Variants in ITGA2 observed in about 807,000 individuals in gnomAD.
The protein encoded by ITGA2 is integrin subunit alpha 2.
ITGA2 carries 101 observed loss-of-function variants against 146.3 expected under a neutral mutation model. The observed-to-expected ratio is 0.69, with a 90% CI of 0.59 to 0.81. ITGA2 has a LOEUF of 0.81. Among genes scored for constraint, ITGA2 ranks in the 40% least tolerant of loss-of-function variants. The pLI is 0.00. For missense variants in ITGA2, 1,281 were observed against 1,402.7 expected (o/e 0.91, Z 1.39); for synonymous variants, 477 against 487.1 (o/e 0.98, Z 0.27).
chr5:53,033,112 A>G lies in ITGA2; in HGVS notation c.185+6244A>G, dbSNP rs1304637759. Reference sequence around the variant, plus strand: ...GTGAAACCCCATCTCTACCAAAACCATAAAAAATTAGCAGGGCGTGGTGGC... The same window carrying G: ...GTGAAACCCCATCTCTACCAAAACCGTAAAAAATTAGCAGGGCGTGGTGGC... On this transcript the variant is annotated intron_variant, in intron 2 of 29. Coordinates refer to ENST00000296585, the MANE Select transcript of ITGA2 (RefSeq NM_002203.4). Among the ~76,000 whole-genome samples, 6 of 152,126 alleles carry G rather than the reference A, an allele frequency of 3.9e-5. No individual in the cohort carries two copies. The East Asian group carries it at 9.6e-4, about 24-fold the overall frequency.
rs753646863 is a variant in ITGA2 at position 53,067,807 on chromosome 5, G to C, written c.2083+550G>C. 4.6e-5 allele frequency among the ~76,000 whole-genome samples: 7 copies of C among 152,010 alleles called. No homozygotes were observed. The Middle Eastern group carries it at 0.017, about 369-fold the overall frequency. On this transcript the variant is annotated intron_variant, in intron 16 of 29. Coordinates refer to ENST00000296585, the MANE Select transcript of ITGA2 (RefSeq NM_002203.4). Reference sequence around the variant, plus strand: ...AATTATGTCTCATCAGATGGGGAAGGATGAGGAAATCATTGTGGGCAAGCA... The same window carrying C: ...AATTATGTCTCATCAGATGGGGAAGCATGAGGAAATCATTGTGGGCAAGCA...
chr5:53,014,530 T>C (rs1383910902), intron 1 of ITGA2, among the ~76,000 whole-genome samples: 1 of 152,194 alleles, frequency 6.6e-6, no homozygotes, highest in Non-Finnish European at 1.5e-5. Context: ...TTTGCATCTA[T>C]GTTCATCAGG....
chr5:53,029,861 T>C (rs1743140170), intron 2 of ITGA2, among the ~76,000 whole-genome samples: 1 of 152,204 alleles, frequency 6.6e-6, no homozygotes, highest in Non-Finnish European at 1.5e-5. Flanking sequence ...TGAGCTATAG[T>C]AGACTGACTT....
chr5:53,044,892 C>T, intron 3 of ITGA2, 109 bp from the exon 4 acceptor site: 2 of 761,114 alleles, frequency 2.6e-6, no homozygotes, highest in East Asian at 2.7e-5. Context: ...ATATTGATGA[C>T]ACTAAATTCA....
Position 53,092,387 on chromosome 5 carries a change from GC to G in ITGA2, c.*1791del, listed in dbSNP as rs1740471294. 6.6e-6 allele frequency: 1 copy of G among 152,226 alleles called. No homozygotes were observed. Among genetic ancestry groups the G allele is most frequent in the Non-Finnish European group, 1.5e-5 (1 of 68,008 alleles). 9.4% of individuals were successfully genotyped at this position (152,226 alleles called of 1,614,324 possible). A position where few individuals can be genotyped will look rare whatever the true frequency, so the allele number is the denominator to read the frequency against. On this transcript the variant is annotated 3_prime_UTR_variant, in exon 30 of 30. Coordinates refer to ENST00000296585, the MANE Select transcript of ITGA2 (RefSeq NM_002203.4). ...AATGTCAAAGGAAAACAGGTTATCT[GC>G]CCATGTGCATATGGACAACCTTGAC...
intron 26 of ITGA2, 67 bp downstream of exon 26, chr5:53,081,763 T>C: frequency 9.4e-7 from 1 of 1,066,770 alleles, no homozygotes; most frequent in Non-Finnish European, 1.4e-6. Flanking sequence ...AGGACGCTGC[T>C]TTTCTCCTAC....
chr5:53,046,600 A>G (rs1043286787), intron 4 of ITGA2, among the ~76,000 whole-genome samples: 27 of 152,010 alleles, frequency 1.8e-4, no homozygotes, highest in African/African-American at 6.5e-4. Flanking sequence ...TTTTTAATCT[A>G]TAACTCCAGA....
intron 14 of ITGA2, 29 bp downstream of exon 14, chr5:53,065,144 T>C (rs1291048916): frequency 1.9e-6 from 3 of 1,599,602 alleles, no homozygotes; most frequent in Non-Finnish European, 2.6e-6. Flanking sequence ...TGGTGATGTA[T>C]GTATTTGTGG....
chr5:52,994,727 A>G (rs921183287), intron 1 of ITGA2, among the ~76,000 whole-genome samples: 2 of 152,142 alleles, frequency 1.3e-5, no homozygotes, highest in Admixed American at 6.5e-5. Flanking sequence ...TGTCTTTAAA[A>G]TTTTCATATA....
intron 1 of ITGA2, among the ~76,000 whole-genome samples, chr5:53,008,583 G>C (rs953816354): frequency 1.3e-5 from 2 of 152,012 alleles, no homozygotes; most frequent in Non-Finnish European, 2.9e-5. Context: ...TGGACACACT[G>C]TAAAAAACAA....
chr5:52,992,504 A>G (rs1363238110), intron 1 of ITGA2, among the ~76,000 whole-genome samples: 1 of 152,168 alleles, frequency 6.6e-6, no homozygotes, highest in Non-Finnish European at 1.5e-5. Context: ...TCTATTGGCT[A>G]CCATTGTTTA....
intron 6 of ITGA2, 75 bp downstream of exon 6, chr5:53,048,845 A>G: frequency 1.3e-6 from 2 of 1,509,098 alleles, no homozygotes; most frequent in Non-Finnish European, 1.8e-6. Flanking sequence ...TGAAGTCTTA[A>G]TTTTTGTATT....
Position 53,002,900 on chromosome 5 carries a change from G to T in ITGA2, c.64+13368G>T, listed in dbSNP as rs1741654272. On this transcript the variant is annotated intron_variant, in intron 1 of 29. Coordinates refer to ENST00000296585, the MANE Select transcript of ITGA2 (RefSeq NM_002203.4). Reference sequence around the variant, plus strand: ...ATTTCCATTCTTTTTATTCATGAGGGTGCATTTTTTCAAGTTACGATTTAA... The same window carrying T: ...ATTTCCATTCTTTTTATTCATGAGGTTGCATTTTTTCAAGTTACGATTTAA... Among the ~76,000 whole-genome samples the T allele has an allele frequency of 2.6e-5, 4 of 151,814 alleles. No homozygotes were observed. In the South Asian group the frequency reaches 8.3e-4, roughly 32 times the overall value.
chr5:52,997,593 G>A (rs972706989), intron 1 of ITGA2, among the ~76,000 whole-genome samples: 2 of 152,154 alleles, frequency 1.3e-5, no homozygotes, highest in South Asian at 2.1e-4. Context: ...TCATTCTCCC[G>A]GATTCATTTG....
At chr5:53,088,229 A>G (rs886792081) in intron 28 of ITGA2, among the ~76,000 whole-genome samples, 5 of 152,194 alleles carry the variant, frequency 3.3e-5, no homozygotes, top group African/African-American at 1.2e-4. Flanking sequence ...ACTCTACTGA[A>G]GACTGTTTTT....
In ITGA2 at chr5:53,046,194, C is replaced by CAA. The variant is rs58926174; in HGVS notation, c.387+1122_387+1123dup. Among the ~76,000 whole-genome samples the CAA allele has an allele frequency of 1.1e-3, 109 of 98,934 alleles. 1 individual carries two copies. Among genetic ancestry groups the CAA allele is most frequent in the East Asian group, 2.1e-3 (7 of 3,270 alleles). 64.9% of individuals were successfully genotyped at this position (98,934 alleles called of 152,430 possible). A position where few individuals can be genotyped will look rare whatever the true frequency, so the allele number is the denominator to read the frequency against. On this transcript the variant is annotated intron_variant, in intron 4 of 29. Coordinates refer to ENST00000296585, the MANE Select transcript of ITGA2 (RefSeq NM_002203.4). ...TAAGCGACAGAGTGAGACTCTGTCT[C>CAA]AAAAAAAAAAAAAAAAAAAAAGAAA...
intron 23 of ITGA2, among the ~76,000 whole-genome samples, chr5:53,077,085 A>G (rs947435600): frequency 6.6e-6 from 1 of 152,046 alleles, no homozygotes; most frequent in East Asian, 1.9e-4. Context: ...CCCAAAAGGA[A>G]TGATAAAACA....
intron 1 of ITGA2, among the ~76,000 whole-genome samples, chr5:53,000,897 G>GTTTTTTTTTTTTTTTTTTTTTCTTTTT (rs1741549028): frequency 4.1e-5 from 4 of 97,226 alleles, no homozygotes; most frequent in African/African-American, 7.6e-5. Context: ...TTTTCTTTTT[G>GTTTTTTTTTTTTTTTTTTTTTCTTTTT]TTTTTTTTTT....
At chr5:53,070,029 A>G in intron 16 of ITGA2, 80 bp from the exon 17 acceptor site, 1 of 1,185,524 alleles carries the variant, frequency 8.4e-7, no homozygotes, top group Non-Finnish European at 1.3e-6. Context: ...ACTTTGTCCA[A>G]GAAGACACAA....
Sources: gnomAD v4.1 joint callset for allele counts (sites outside exome capture counted in the v4.1 genomes callset) on GRCh38, gnomAD v4.1.1 for gene constraint, MANE v1.5 for transcripts, NCBI Gene and HGNC (gene_info 2026-07-23, HGNC 2026-07-21) for gene names.